EIF3E: variants seen among roughly 807,000 people sequenced by gnomAD.
EIF3E encodes the protein eukaryotic translation initiation factor 3 subunit E.
A neutral mutation model predicts 59.3 loss-of-function variants in EIF3E; 25 were observed. That is an observed-to-expected ratio of 0.42 (90% CI 0.31 to 0.59). The LOEUF (loss-of-function observed/expected upper bound fraction) is 0.59, where lower values mean the gene tolerates loss of function less well. EIF3E is among the 20% of genes least tolerant of loss of function. The pLI, the probability that EIF3E is intolerant of heterozygous loss-of-function variation, is 0.15. For missense variants in EIF3E, 317 were observed against 534.3 expected (o/e 0.59, Z 4.01); for synonymous variants, 176 against 170.2 (o/e 1.03, Z -0.26).
At chr8:108,210,626 T>C (rs1460157897) in intron 10 of EIF3E, among the ~76,000 whole-genome samples, 1 of 152,244 alleles carries the variant, frequency 6.6e-6, no homozygotes, top group African/African-American at 2.4e-5. Flanking sequence ...GTTTAAGTTC[T>C]AGGGTACATT....
chr8:108,232,350 T>C (rs1351000075), intron 5 of EIF3E, among the ~76,000 whole-genome samples: 3 of 152,314 alleles, frequency 2.0e-5, no homozygotes, highest in African/African-American at 7.2e-5. Flanking sequence ...AACTCTATGT[T>C]GACTGTTCTT....
Position 108,248,595 on chromosome 8 carries a change from G to T in EIF3E, c.90+18C>A, listed in dbSNP as rs1815995328. 6.2e-7 allele frequency: 1 copy of T among 1,612,700 alleles called. No homozygotes were observed. Among genetic ancestry groups the T allele is most frequent in the South Asian group, 1.1e-5 (1 of 90,968 alleles). The stretch of plus-strand genomic sequence containing the variant: ...TCATCCGCCCCCACGCCTTCCTTGC[G>T]CCCAAAGACCCCCTCACCTCCTTTA... On this transcript the variant is annotated intron_variant, in intron 1 of 12. Coordinates refer to ENST00000220849, the MANE Select transcript of EIF3E (RefSeq NM_001568.3).
intron 5 of EIF3E, among the ~76,000 whole-genome samples, chr8:108,230,464 T>C (rs1468271833): frequency 6.6e-6 from 1 of 151,998 alleles, no homozygotes; most frequent in Non-Finnish European, 1.5e-5. Flanking sequence ...TACATATACA[T>C]TTACATACGT....
At chr8:108,214,569 T>TA (rs749590611) in intron 10 of EIF3E, 38 bp downstream of exon 10, 3 of 1,429,958 alleles carry the variant, frequency 2.1e-6, no homozygotes, top group Non-Finnish European at 2.8e-6. Context: ...CCAGGAATTT[T>TA]AAAGTAGAAA....
intron 4 of EIF3E, 139 bp downstream of exon 4, chr8:108,236,011 GAAGTTTTAAAA>G (rs1281993744): frequency 1.8e-6 from 1 of 566,266 alleles, no homozygotes; most frequent in Non-Finnish European, 2.8e-6. Context: ...TATAAACACT[GAAGTTTTAAAA>G]ATATAACCAG....
intron 10 of EIF3E, among the ~76,000 whole-genome samples, chr8:108,208,421 A>T (rs1299096101): frequency 1.3e-5 from 2 of 152,140 alleles, no homozygotes; most frequent in African/African-American, 2.4e-5. Context: ...GTTAAGTGTA[A>T]ACTATGTTTA....
chr8:108,217,911 G>A (rs641721), intron 7 of EIF3E, among the ~76,000 whole-genome samples: 76,343 of 151,936 alleles, frequency 0.5, 19,244 homozygotes, highest in African/African-American at 0.58. Flanking sequence ...TGGAAGCAAC[G>A]GGGAAGGAAT....
intron 5 of EIF3E, chr8:108,229,509 A>G (rs1815582328): frequency 5.6e-6 from 1 of 177,270 alleles, no homozygotes; most frequent in Non-Finnish European, 1.2e-5. Flanking sequence ...CAGGCACCTA[A>G]AACTTCAGAA....
At chr8:108,240,443 A>C (rs1005398051) in intron 2 of EIF3E, among the ~76,000 whole-genome samples, 3 of 152,148 alleles carry the variant, frequency 2.0e-5, no homozygotes, top group African/African-American at 7.2e-5. Context: ...GTTCTCATTT[A>C]ATTTTCTTAG....
At chr8:108,243,749 C>CCAGTACAT (rs1815890881) in intron 1 of EIF3E, among the ~76,000 whole-genome samples, 1 of 150,768 alleles carries the variant, frequency 6.6e-6, no homozygotes, top group Non-Finnish European at 1.5e-5. Flanking sequence ...GTATCATTGA[C>CCAGTACAT]CAGTACATTT....
At chr8:108,221,562 T>C (rs1485664415) in intron 7 of EIF3E, 1 of 152,214 alleles carries the variant, frequency 6.6e-6, no homozygotes, top group Non-Finnish European at 1.5e-5. Flanking sequence ...TTTATAATCA[T>C]AGTCGAAGTT....
chr8:108,242,763 G>A, intron 1 of EIF3E: 1 of 745,320 alleles, frequency 1.3e-6, no homozygotes. Flanking sequence ...CGCAAAAGAA[G>A]ACAACCAAAT....
intron 7 of EIF3E, among the ~76,000 whole-genome samples, chr8:108,224,674 CT>C (rs1186600409): frequency 1.3e-5 from 2 of 151,546 alleles, no homozygotes; most frequent in Non-Finnish European, 2.9e-5. Flanking sequence ...TTTCCACAGG[CT>C]GTTTCTGTTC....
At chr8:108,247,371 A>G (rs1001648541) in intron 1 of EIF3E, among the ~76,000 whole-genome samples, 5 of 152,244 alleles carry the variant, frequency 3.3e-5, no homozygotes, top group African/African-American at 1.2e-4. Context: ...TCCAGAAAAG[A>G]AAACAATGCA....
chr8:108,242,011 T>G, intron 1 of EIF3E, 98 bp from the exon 2 acceptor site: 1 of 1,233,212 alleles, frequency 8.1e-7, no homozygotes, highest in East Asian at 2.6e-5. Context: ...TTTCAAGAAA[T>G]ACTTTATAAA....
In EIF3E at chr8:108,239,950, G is replaced by A. The variant is rs201913481; in HGVS notation, c.323+8C>T. The A allele has an allele frequency of 1.1e-5, 18 of 1,599,024 alleles. No homozygotes were observed. In the East Asian group the frequency reaches 1.3e-4, roughly 12 times the overall value. Reference sequence around the variant, plus strand: ...AATTTTTAGAATTCAAAATTAAGACGAGTTTACCTGGTTGACTGCATTTGC... The same window carrying A: ...AATTTTTAGAATTCAAAATTAAGACAAGTTTACCTGGTTGACTGCATTTGC... On this transcript the variant is annotated splice_region_variant and intron_variant, in intron 3 of 12. Coordinates refer to ENST00000220849, the MANE Select transcript of EIF3E (RefSeq NM_001568.3).
chr8:108,204,622 A>C (rs527876211), intron 10 of EIF3E, among the ~76,000 whole-genome samples: 2 of 151,894 alleles, frequency 1.3e-5, no homozygotes, highest in South Asian at 4.2e-4. Context: ...AGCATCAGTA[A>C]TAAGTATAAT....
intron 3 of EIF3E, among the ~76,000 whole-genome samples, chr8:108,236,707 T>C (rs1033598023): frequency 3.3e-5 from 5 of 152,280 alleles, no homozygotes; most frequent in Admixed American, 1.3e-4. Context: ...AAAGGACGAT[T>C]TGACAAATTT....
At chr8:108,207,952 A>C (rs1815133467) in intron 10 of EIF3E, among the ~76,000 whole-genome samples, 1 of 152,120 alleles carries the variant, frequency 6.6e-6, no homozygotes, top group African/African-American at 2.4e-5. Flanking sequence ...TGATTTAGGG[A>C]AATATTTTTT....
Sources: gnomAD v4.1 joint callset for allele counts (sites outside exome capture counted in the v4.1 genomes callset) on GRCh38, gnomAD v4.1.1 for gene constraint, MANE v1.5 for transcripts, NCBI Gene and HGNC (gene_info 2026-07-23, HGNC 2026-07-21) for gene names.